Variants in CRYBG1 observed in about 807,000 individuals in gnomAD.
CRYBG1 encodes crystallin beta-gamma domain containing 1, also known as beta/gamma crystallin domain-containing protein 1.
CRYBG1 carries 139 observed loss-of-function variants against 189.2 expected under a neutral mutation model. That is an observed-to-expected ratio of 0.73 (90% CI 0.64 to 0.85). CRYBG1 has a LOEUF of 0.85. CRYBG1 is among the 40% of genes least tolerant of loss of function. The probability of loss-of-function intolerance (pLI) is 0.00; values close to 1 mark genes in which losing one functional copy is unlikely to be tolerated. For missense variants in CRYBG1, 2,611 were observed against 2,675.8 expected, an observed-to-expected ratio of 0.98 and a Z score of 0.53; for synonymous variants, 1,023 against 1,017.1, an observed-to-expected ratio of 1.01 and a Z score of -0.11.
rs9486390 is a variant in CRYBG1, at chr6:106,539,367, C to T, written c.4719-36C>T. ...GGAAAAACTGAAACAAATGATGAGTCGGCTCCCTTTCTTTCCTTCCATGGT... is the reference window on the plus strand; with the variant it reads ...GGAAAAACTGAAACAAATGATGAGTTGGCTCCCTTTCTTTCCTTCCATGGT... On this transcript the variant is annotated intron_variant, in intron 8 of 21. Transcript: ENST00000633556. The T allele has an allele frequency of 3.1e-3, 5,042 of 1,608,884 alleles. 150 individuals carry two copies. The African/African-American group carries it at 0.059, about 19-fold the overall frequency.
intron 17 of CRYBG1, among the ~76,000 whole-genome samples, chr6:106,557,974 G>C (rs1169098207): frequency 6.6e-6 from 1 of 151,788 alleles, no homozygotes; most frequent in Admixed American, 6.6e-5. Flanking sequence ...GAAAGTTTGG[G>C]AGCATGAGTA....
chr6:106,474,733 T>C (rs1480424762), intron 2 of CRYBG1, among the ~76,000 whole-genome samples: 1 of 152,090 alleles, frequency 6.6e-6, no homozygotes, highest in Non-Finnish European at 1.5e-5. Flanking sequence ...GAGTTGTCCA[T>C]GGGCAGGCGT....
intron 1 of CRYBG1, among the ~76,000 whole-genome samples, chr6:106,449,963 G>A (rs1221149372): frequency 3.9e-5 from 6 of 152,102 alleles, no homozygotes; most frequent in African/African-American, 9.7e-5. Context: ...AGTGGCTCAC[G>A]CCTGTAATCC....
intron 20 of CRYBG1, among the ~76,000 whole-genome samples, chr6:106,562,961 G>A (rs1306110663): frequency 6.6e-6 from 1 of 152,090 alleles, no homozygotes; most frequent in Non-Finnish European, 1.5e-5. Flanking sequence ...TGAGTAGCTG[G>A]GGCCCACAAG....
intron 2 of CRYBG1, 125 bp downstream of exon 2, chr6:106,451,957 T>TGA (rs1365141133): frequency 2.0e-6 from 1 of 500,544 alleles, no homozygotes; most frequent in African/African-American, 2.0e-5. Context: ...TATCATAAAT[T>TGA]ATATATATCA....
chr6:106,533,779 C>T (rs1424950360), intron 8 of CRYBG1, among the ~76,000 whole-genome samples: 2 of 152,088 alleles, frequency 1.3e-5, no homozygotes, highest in African/African-American at 4.8e-5. Flanking sequence ...CAGTTTTGGA[C>T]AGGTTAAGGC....
intron 2 of CRYBG1, among the ~76,000 whole-genome samples, chr6:106,503,109 A>G (rs1488454696): frequency 6.6e-6 from 1 of 152,164 alleles, no homozygotes; most frequent in Non-Finnish European, 1.5e-5. Flanking sequence ...GCTGCCTGGC[A>G]GAAGCCCTGG....
intron 1 of CRYBG1, among the ~76,000 whole-genome samples, chr6:106,409,687 T>A (rs1421758548): frequency 6.6e-6 from 1 of 151,948 alleles, no homozygotes; most frequent in African/African-American, 2.4e-5. Context: ...TATAGACCAA[T>A]GGAACAGAAC....
chr6:106,451,446 T>C, intron 1 of CRYBG1: 1 of 304,528 alleles, frequency 3.3e-6, no homozygotes, highest in Non-Finnish European at 6.0e-6. Context: ...TCTATCTATC[T>C]CTAATTTGTT....
chr6:106,476,626 C>T (rs1193366986), intron 2 of CRYBG1, among the ~76,000 whole-genome samples: 2 of 151,982 alleles, frequency 1.3e-5, no homozygotes, highest in Non-Finnish European at 2.9e-5. Context: ...CAAGGTTATT[C>T]GGTCATTTGG....
At chr6:106,406,281 A>G (rs920599407) in intron 1 of CRYBG1, among the ~76,000 whole-genome samples, 1 of 152,190 alleles carries the variant, frequency 6.6e-6, no homozygotes, top group African/African-American at 2.4e-5. Context: ...GATATCAGAG[A>G]TTGAAGATCG....
chr6:106,381,314 T>C (rs149331596), intron 1 of CRYBG1, among the ~76,000 whole-genome samples: 5 of 152,312 alleles, frequency 3.3e-5, no homozygotes, highest in Non-Finnish European at 5.9e-5. Context: ...AATCATAGTG[T>C]CTTGTGGCCA....
intron 1 of CRYBG1, among the ~76,000 whole-genome samples, chr6:106,380,205 T>C (rs1770259671): frequency 6.6e-6 from 1 of 152,224 alleles, no homozygotes. Context: ...AGTTTTTTTC[T>C]TAAGTGGAAA....
In CRYBG1 at chr6:106,513,007, G is replaced by A. The variant is rs754292994; in HGVS notation, c.1890G>A (p.Val630=). 2.5e-6 allele frequency: 4 copies of A among 1,607,142 alleles called. No individual in the cohort carries two copies. Among genetic ancestry groups the A allele is most frequent in the African/African-American group, 1.3e-5 (1 of 74,910 alleles). The stretch of plus-strand genomic sequence containing the variant: ...TGAAGCCCAGGAACCATTTCGGCGT[G>A]GGCAGGTCGACAGTGACCACTAAAG... ...DGLKPRNHFG[V]GRSTVTTKVT... The change falls in exon 3 of 22, where the codon GTG becomes GTA. Residue 630 remains valine (V), a synonymous_variant. Coordinates refer to ENST00000633556, the MANE Select transcript of CRYBG1 (RefSeq NM_001371242.2).
chr6:106,553,621 A>G (rs1774461150), intron 16 of CRYBG1, 54 bp downstream of exon 16: 2 of 1,206,532 alleles, frequency 1.7e-6, no homozygotes, highest in African/African-American at 3.0e-5. Flanking sequence ...AACAGAATTC[A>G]CACATCAGCA....
chr6:106,370,223 T>G (rs1426485661), intron 1 of CRYBG1, among the ~76,000 whole-genome samples: 1 of 152,188 alleles, frequency 6.6e-6, no homozygotes, highest in African/African-American at 2.4e-5. Context: ...GAAAGTATCA[T>G]GTGTAGATTC....
chr6:106,520,638 C>T lies in CRYBG1; in HGVS notation c.3430C>T (p.His1144Tyr). ...TCCTCACTTTGCCATGCCTCCTATT[C>T]ACGAAGACCATTTAGAAAAGGTGTT... ...PAPHFAMPPI[H>Y]EDHLEKVFDP... Residue 1144 changes from histidine to tyrosine, a missense_variant, in exon 4 of 22, where the codon CAC becomes TAC. By Grantham distance (83) the His-to-Tyr change is moderately conservative. Coordinates refer to ENST00000633556, the MANE Select transcript of CRYBG1 (RefSeq NM_001371242.2). The T allele has an allele frequency of 6.2e-7, 1 of 1,614,168 alleles. No individual in the cohort carries two copies. The highest frequency in any genetic ancestry group is 8.5e-7 in the Non-Finnish European group (1 of 1,180,036).
intron 2 of CRYBG1, among the ~76,000 whole-genome samples, chr6:106,464,673 G>A (rs1160280434): frequency 6.6e-6 from 1 of 152,138 alleles, no homozygotes; most frequent in Non-Finnish European, 1.5e-5. Flanking sequence ...CTAATTTAAA[G>A]CATTTCCCTA....
chr6:106,564,868 TA>T lies in CRYBG1; in HGVS notation c.6301+943del, dbSNP rs776522777. On this transcript the variant is annotated intron_variant, in intron 21 of 21. Coordinates refer to ENST00000633556, the MANE Select transcript of CRYBG1 (RefSeq NM_001371242.2). ...GGAAAGTCAGCACAATTGTGTTTTG[TA>T]GCGAACTGGTGATAATGTAACCATA... 2.8e-5 allele frequency among the ~76,000 whole-genome samples: 3 copies of T among 106,866 alleles called. No homozygotes were observed. The South Asian group carries it at 8.3e-4, about 29-fold the overall frequency. 70.1% of individuals were successfully genotyped at this position (106,866 alleles called of 152,430 possible).
Sources: allele counts gnomAD v4.1 joint callset (sites outside exome capture counted in the v4.1 genomes callset), GRCh38; gene constraint gnomAD v4.1.1; transcripts MANE v1.5; gene names NCBI Gene and HGNC (gene_info 2026-07-23, HGNC 2026-07-21).